Variants in MRPL23 observed in about 807,000 individuals in gnomAD.
MRPL23 encodes the protein large ribosomal subunit protein uL23m.
For synonymous variants in MRPL23, 12 were observed against 34.8 expected (o/e 0.35, Z 2.30); for missense variants, 25 against 81.3 (o/e 0.31, Z 2.66).
the MRPL23 span, among the ~76,000 whole-genome samples, chr11:1,994,482 G>A: frequency 1.1e-5 from 1 of 94,720 alleles, no homozygotes; most frequent in Non-Finnish European, 2.8e-5. Context: ...CCTCCTCCCT[G>A]TGGCCACCCT....
chr11:1,956,246 TC>T lies in MRPL23; in HGVS notation c.298-5del. The T allele has an allele frequency of 9.3e-7, 1 of 1,070,116 alleles. No individual in the cohort carries two copies. The highest frequency in any genetic ancestry group is 2.7e-5 in the East Asian group (1 of 37,636). The allele number at this position is 1,070,116 out of a possible 1,614,324, so 66.3% of individuals were successfully genotyped here. On this transcript the variant is annotated splice_polypyrimidine_tract_variant and intron_variant, in intron 4 of 4. Transcript: ENST00000397298. The stretch of plus-strand genomic sequence containing the variant: ...GCAGCTCTGGCTGGAGCCTTTGTTC[TC>T]CCCCTTAGGCCCATGGACAGACCTT...
rs980091169 is a variant in MRPL23 at position 1,950,930 on chromosome 11, C to T, written c.49C>T (p.Leu17Phe). The T allele has an allele frequency of 4.1e-6, 1 of 243,382 alleles. No individual in the cohort carries two copies. The highest frequency in any genetic ancestry group is 6.8e-6 in the Non-Finnish European group (1 of 146,846). The allele number at this position is 243,382 out of a possible 1,614,324, so 15.1% of individuals were successfully genotyped here. A position where few individuals can be genotyped will look rare whatever the true frequency, so the allele number is the denominator to read the frequency against. Reference protein sequence around the residue: ...YPLYRLGGPQLRVFRTNFFIQ... With the variant: ...YPLYRLGGPQFRVFRTNFFIQ... The stretch of plus-strand genomic sequence containing the variant: ...CCTGTACCGGCTGGGTGGCCCACAA[C>T]TTCGGGTGTTCCGAACCAACTTCTT... Residue 17 changes from leucine to phenylalanine, a missense_variant, in exon 2 of 5, where the codon CTT becomes TTT. Coordinates refer to ENST00000397298, the MANE Select transcript of MRPL23 (RefSeq NM_021134.4).
chr11:1,991,783 G>A, the MRPL23 span, among the ~76,000 whole-genome samples: 1 of 128,636 alleles, frequency 7.8e-6, no homozygotes, highest in African/African-American at 2.6e-5. Flanking sequence ...CTAGAGAGGA[G>A]GAAATCATTT....
At chr11:1,992,199 T>C in the MRPL23 span, 3 of 94,474 alleles carry the variant, frequency 3.2e-5, no homozygotes, top group Admixed American at 1.1e-4. Flanking sequence ...GGTTAACTGG[T>C]CAGCATGCAG....
At chr11:1,988,775 C>A (rs575645506), downstream of MRPL23, among the ~76,000 whole-genome samples, 2 of 140,982 alleles carry the variant, frequency 1.4e-5, no homozygotes, top group East Asian at 4.2e-4. Context: ...TCTCTCTCAC[C>A]CCGCTCAAAC....
At chr11:1,988,849 G>A (rs1027930347), downstream of MRPL23, among the ~76,000 whole-genome samples, 19 of 145,922 alleles carry the variant, frequency 1.3e-4, 3 homozygotes, top group Non-Finnish European at 9.2e-5. Context: ...GACAGGCATG[G>A]AGCTAAGGAA....
intron 5 of MRPL23, chr11:1,984,180 C>T (rs373884336): frequency 1.7e-4 from 6 of 35,876 alleles, no homozygotes; most frequent in African/African-American, 3.2e-4. Context: ...CGGGAGGGAG[C>T]GGACACGGGC....
intron 5 of MRPL23, among the ~76,000 whole-genome samples, chr11:1,979,013 C>T (rs143838211): frequency 1.4e-5 from 2 of 144,996 alleles, no homozygotes; most frequent in Middle Eastern, 3.7e-3. Flanking sequence ...TCTTCACAAC[C>T]GGCAATAAAG....
the MRPL23 span, chr11:1,991,878 T>C: frequency 7.4e-6 from 1 of 135,132 alleles, no homozygotes; most frequent in African/African-American, 2.5e-5. Context: ...CCAGGGTGCA[T>C]TGTAGTCAGA....
At chr11:1,982,031 TAAG>T (rs34344386) in intron 5 of MRPL23, among the ~76,000 whole-genome samples, 3,116 of 7,426 alleles carry the variant, frequency 0.42, 835 homozygotes, top group African/African-American at 0.56. Context: ...GGTGAAGAGT[TAAG>T]AAGCCCCGCC....
At chr11:1,992,101 C>T in the MRPL23 span, 5 of 37,642 alleles carry the variant, frequency 1.3e-4, no homozygotes, top group African/African-American at 2.8e-4. Context: ...GGGAACACCA[C>T]CCCGCTACAG....
intron 5 of MRPL23, among the ~76,000 whole-genome samples, chr11:1,982,492 CAG>C (rs979617758): frequency 3.8e-4 from 5 of 13,050 alleles, no homozygotes; most frequent in Admixed American, 1.4e-3. Flanking sequence ...GCCACCCAAT[CAG>C]AGTCTCCTGC....
downstream of MRPL23, among the ~76,000 whole-genome samples, chr11:1,988,846 A>G (rs573154328): frequency 6.5e-4 from 95 of 145,876 alleles, 4 homozygotes; most frequent in African/African-American, 2.3e-3. Flanking sequence ...GTTGACAGGC[A>G]TGGAGCTAAG....
rs541743334 is a variant in MRPL23 at position 1,971,214 on chromosome 11, C to T, written c.298-1345C>T. On this transcript the variant is annotated intron_variant, in intron 4 of 4. Coordinates refer to the MRPL23 transcript ENST00000397294. ...GGGTTCAGGAGCCAGCCCCTGCAAGCCTGCCTTAGCCCAAGCCGCCAGCCC... is the reference window on the plus strand; with the variant it reads ...GGGTTCAGGAGCCAGCCCCTGCAAGTCTGCCTTAGCCCAAGCCGCCAGCCC... Among the ~76,000 whole-genome samples the T allele has an allele frequency of 7.1e-5, 9 of 126,264 alleles. 1 individual carries two copies. In the South Asian group the frequency reaches 2.9e-3, roughly 41 times the overall value. The allele number at this position is 126,264 out of a possible 152,430, so 82.8% of individuals were successfully genotyped here.
Position 1,956,406 on chromosome 11 carries a change from TG to T in MRPL23, c.450del (p.Trp150CysfsTer58). On this transcript the variant is annotated frameshift_variant, in exon 5 of 5. Transcript: ENST00000397298. LOFTEE classifies it high-confidence loss of function. ...CCCGCGGCGGGGCGGCGTCCCCAGC[TG>T]GTTCGGGCTGTGACGGGGTGGCCAG... ...SDPRRGGVPS[W>X]FGL is the part of the protein sequence containing the mutation. 8.3e-7 allele frequency: 1 copy of T among 1,199,016 alleles called. No individual in the cohort carries two copies. The highest frequency in any genetic ancestry group is 1.1e-6 in the Non-Finnish European group (1 of 907,554). 74.3% of individuals were successfully genotyped at this position (1,199,016 alleles called of 1,614,324 possible). A position where few individuals can be genotyped will look rare whatever the true frequency, so the allele number is the denominator to read the frequency against.
At chr11:1,971,223 G>C (rs1433080190) in intron 4 of MRPL23, among the ~76,000 whole-genome samples, 1 of 120,060 alleles carries the variant, frequency 8.3e-6, no homozygotes, top group Non-Finnish European at 2.0e-5. Context: ...GCCTGCCTTA[G>C]CCCAAGCCGC....
At chr11:1,988,874 G>T (rs1272614534), downstream of MRPL23, among the ~76,000 whole-genome samples, 6 of 145,968 alleles carry the variant, frequency 4.1e-5, 1 homozygote, top group Admixed American at 2.7e-4. Context: ...AGGCAGGGCG[G>T]GGGCGGCCAA....
the MRPL23 span, among the ~76,000 whole-genome samples, chr11:1,994,269 G>A: frequency 1.0e-5 from 1 of 98,104 alleles, no homozygotes; most frequent in African/African-American, 2.6e-5. Flanking sequence ...CCTGCACAGC[G>A]AGGGGCCGGG....
the MRPL23 span, among the ~76,000 whole-genome samples, chr11:1,994,612 G>A: frequency 4.4e-5 from 4 of 91,278 alleles, 2 homozygotes; most frequent in Non-Finnish European, 1.2e-4. Flanking sequence ...GTGCGGGGCC[G>A]TCCCTCCGGC....
Sources: allele counts gnomAD v4.1 joint callset (sites outside exome capture counted in the v4.1 genomes callset), GRCh38; gene constraint gnomAD v4.1.1; transcripts MANE v1.5; gene names NCBI Gene and HGNC (gene_info 2026-07-23, HGNC 2026-07-21).